ZFHX3: variants seen among roughly 807,000 people sequenced by gnomAD.
The protein encoded by ZFHX3 is zinc finger homeobox 3.
In ZFHX3, 42 loss-of-function variants were observed where a neutral mutation model predicts 279.1. That is an observed-to-expected ratio of 0.15 (90% CI 0.12 to 0.19). The LOEUF (loss-of-function observed/expected upper bound fraction) is 0.19, where lower values mean the gene tolerates loss of function less well. Ranked by LOEUF, ZFHX3 falls within the 10% of genes least tolerant of loss-of-function variation. ZFHX3 has a pLI of 1.00. For missense variants in ZFHX3, 4,981 were observed against 4,754.0 expected (o/e 1.05, Z -1.40); for synonymous variants, 2,293 against 1,957.8 (o/e 1.17, Z -4.52).
chr16:73,136,986 T>C (rs1966806974), intron 6 of ZFHX3, among the ~76,000 whole-genome samples: 1 of 151,738 alleles, frequency 6.6e-6, no homozygotes, highest in Non-Finnish European at 1.5e-5. Context: ...TGGAAAATGC[T>C]AGCAGTAAAT....
intron 1 of ZFHX3, among the ~76,000 whole-genome samples, chr16:73,766,951 T>C (rs926314864): frequency 8.7e-5 from 7 of 80,574 alleles, no homozygotes; most frequent in East Asian, 2.3e-4. Flanking sequence ...TTTTTTTTTT[T>C]CCGAGATGGA....
chr16:73,866,342 CTAAT>C (rs987445474), intron 1 of ZFHX3, among the ~76,000 whole-genome samples: 18 of 151,722 alleles, frequency 1.2e-4, no homozygotes, highest in Non-Finnish European at 2.6e-4. Context: ...CCATGCCCAG[CTAAT>C]TTTTGTATTT....
chr16:73,520,833 T>C (rs2019597314), intron 2 of ZFHX3, among the ~76,000 whole-genome samples: 1 of 151,970 alleles, frequency 6.6e-6, no homozygotes, highest in East Asian at 2.0e-4. Flanking sequence ...TTGAAGAGTT[T>C]ATAAAATAAT....
chr16:73,142,362 C>T (rs550338024), intron 6 of ZFHX3, among the ~76,000 whole-genome samples: 1 of 152,278 alleles, frequency 6.6e-6, no homozygotes, highest in African/African-American at 2.4e-5. Flanking sequence ...TGTCGGATCA[C>T]ATTAGGTCCT....
intron 1 of ZFHX3, among the ~76,000 whole-genome samples, chr16:73,760,004 G>A (rs1012305580): frequency 8.9e-6 from 1 of 112,802 alleles, no homozygotes; most frequent in Non-Finnish European, 2.0e-5. Context: ...ATGAATCCAG[G>A]AGCTGTTTTT....
At chr16:73,158,868 C>T (rs1017779203) in intron 5 of ZFHX3, among the ~76,000 whole-genome samples, 7 of 152,172 alleles carry the variant, frequency 4.6e-5, no homozygotes, top group Admixed American at 2.0e-4. Flanking sequence ...GGATAACTGA[C>T]TAGCCATATG....
In ZFHX3 at chr16:72,798,610, A is replaced by G. The variant is rs749586178; in HGVS notation, c.4072T>C (p.Ser1358Pro). The stretch of plus-strand genomic sequence containing the variant: ...CCCTTCTTCCAGCAGATGAAGCCTG[A>G]GTCTTCTCTCACAGAGCCTGGGTCA... Reference protein sequence around the residue: ...PADPGSVREDSGFICWKKGCN... With the variant: ...PADPGSVREDPGFICWKKGCN... Residue 1358 changes from serine (S) to proline (P), a missense_variant, in exon 9 of 10, where the codon TCA becomes CCA. By Grantham distance (74) the Ser-to-Pro change is moderately conservative. Coordinates refer to ENST00000268489, the MANE Select transcript of ZFHX3 (RefSeq NM_006885.4). 3.1e-6 allele frequency: 5 copies of G among 1,613,896 alleles called. No homozygotes were observed. Among genetic ancestry groups the G allele is most frequent in the Non-Finnish European group, 4.2e-6 (5 of 1,180,008 alleles).
chr16:73,848,033 A>T (rs1396994759), intron 1 of ZFHX3, among the ~76,000 whole-genome samples: 1 of 148,208 alleles, frequency 6.7e-6, no homozygotes, highest in Non-Finnish European at 1.5e-5. Context: ...TGCTGGGATT[A>T]CAGGCGTGAG....
intron 2 of ZFHX3, among the ~76,000 whole-genome samples, chr16:73,471,575 T>A (rs772838750): frequency 1.3e-5 from 2 of 152,074 alleles, no homozygotes; most frequent in Admixed American, 6.5e-5. Flanking sequence ...CACCTGGCCA[T>A]GAATCTCTTT....
chr16:72,929,300 G>C (rs1363464465), intron 3 of ZFHX3, among the ~76,000 whole-genome samples: 1 of 151,874 alleles, frequency 6.6e-6, no homozygotes, highest in South Asian at 2.1e-4. Flanking sequence ...AACTCCACCT[G>C]GATTTTTGAT....
intron 1 of ZFHX3, among the ~76,000 whole-genome samples, chr16:73,867,551 G>A (rs1288526956): frequency 6.6e-6 from 1 of 152,198 alleles, no homozygotes; most frequent in Non-Finnish European, 1.5e-5. Flanking sequence ...GTGCTTCTTA[G>A]TTTGACCACT....
intron 1 of ZFHX3, among the ~76,000 whole-genome samples, chr16:73,877,349 A>T (rs950967243): frequency 2.0e-5 from 3 of 152,116 alleles, no homozygotes; most frequent in African/African-American, 7.2e-5. Flanking sequence ...TGTTCATGAC[A>T]TGTTGGCAGG....
intron 2 of ZFHX3, among the ~76,000 whole-genome samples, chr16:73,662,374 C>T (rs12596350): frequency 0.078 from 11,867 of 152,126 alleles, 474 homozygotes; most frequent in African/African-American, 0.089. Flanking sequence ...ACGGTCACAG[C>T]GTTTCTCCCT....
intron 8 of ZFHX3, among the ~76,000 whole-genome samples, chr16:73,072,876 A>ATTTC (rs773475001): frequency 1.3e-5 from 2 of 149,616 alleles, no homozygotes; most frequent in Non-Finnish European, 3.0e-5. Flanking sequence ...GCGCATTCCT[A>ATTTC]TTTCTTTCTT....
chr16:73,533,144 A>C (rs1160256719), intron 2 of ZFHX3, among the ~76,000 whole-genome samples: 1 of 151,770 alleles, frequency 6.6e-6, no homozygotes, highest in East Asian at 1.9e-4. Context: ...GCTGTCTCAC[A>C]CTCCAAAGTG....
intron 1 of ZFHX3, among the ~76,000 whole-genome samples, chr16:72,990,390 A>C (rs2144567314): frequency 6.6e-6 from 1 of 152,296 alleles, no homozygotes. Flanking sequence ...TATCAGTCTC[A>C]CACATCGTGC....
At chr16:73,619,731 A>G (rs1025410733) in intron 2 of ZFHX3, among the ~76,000 whole-genome samples, 3 of 151,942 alleles carry the variant, frequency 2.0e-5, no homozygotes, top group African/African-American at 4.8e-5. Context: ...CCCACCAGGA[A>G]TACCCTACCC....
chr16:72,993,151 A>C (rs1257578569), intron 1 of ZFHX3, among the ~76,000 whole-genome samples: 1 of 152,124 alleles, frequency 6.6e-6, no homozygotes, highest in African/African-American at 2.4e-5. Flanking sequence ...AACAAACAAA[A>C]AAAACAAGAA....
chr16:73,734,884 T>TA (rs1045676186), intron 1 of ZFHX3, among the ~76,000 whole-genome samples: 1 of 152,176 alleles, frequency 6.6e-6, no homozygotes, highest in African/African-American at 2.4e-5. Flanking sequence ...CATAGTAATA[T>TA]AAAAAAAGTT....
Sources: gnomAD v4.1 joint callset for allele counts (sites outside exome capture counted in the v4.1 genomes callset) on GRCh38, gnomAD v4.1.1 for gene constraint, MANE v1.5 for transcripts, NCBI Gene and HGNC (gene_info 2026-07-23, HGNC 2026-07-21) for gene names.